The following KCNH7 variants were observed in gnomAD, a reference collection of about 807,000 sequenced individuals.
KCNH7 encodes the protein voltage-gated inwardly rectifying potassium channel KCNH7.
Under a neutral mutation model 120.8 loss-of-function variants are expected in KCNH7, and 49 were observed. The observed-to-expected ratio is 0.41, with a 90% confidence interval of 0.32 to 0.51. KCNH7 has a LOEUF of 0.51. KCNH7 is among the 20% of genes least tolerant of loss of function. The pLI, the probability that KCNH7 is intolerant of heterozygous loss-of-function variation, is 0.38. For synonymous variants in KCNH7, 547 were observed against 516.1 expected (o/e 1.06, Z -0.81); for missense variants, 1,097 against 1,446.6 (o/e 0.76, Z 3.92).
At chr2:162,488,446 A>G (rs1690179167) in intron 6 of KCNH7, among the ~76,000 whole-genome samples, 1 of 152,216 alleles carries the variant, frequency 6.6e-6, no homozygotes, top group East Asian at 1.9e-4. Flanking sequence ...GGAATTTAGA[A>G]GGTAGCAAAG....
chr2:162,388,967 T>C (rs1686661189), intron 12 of KCNH7, among the ~76,000 whole-genome samples: 1 of 151,934 alleles, frequency 6.6e-6, no homozygotes, highest in African/African-American at 2.4e-5. Flanking sequence ...TGAGTAAAGT[T>C]TTCTTCCCTA....
chr2:162,587,225 C>T (rs1387533926), intron 2 of KCNH7, among the ~76,000 whole-genome samples: 1 of 152,066 alleles, frequency 6.6e-6, no homozygotes, highest in Non-Finnish European at 1.5e-5. Context: ...TCATCAAACA[C>T]ATTGACTACA....
chr2:162,700,199 T>A (rs1466905886), intron 2 of KCNH7, among the ~76,000 whole-genome samples: 2 of 152,120 alleles, frequency 1.3e-5, no homozygotes, highest in African/African-American at 4.8e-5. Flanking sequence ...CTACTAGGCA[T>A]GAGGGGGCAC....
intron 6 of KCNH7, among the ~76,000 whole-genome samples, chr2:162,462,510 A>G (rs1298020466): frequency 6.7e-6 from 1 of 150,260 alleles, no homozygotes; most frequent in Non-Finnish European, 1.5e-5. Flanking sequence ...AATCATCAGG[A>G]GAGTGAGAGC....
intron 2 of KCNH7, among the ~76,000 whole-genome samples, chr2:162,623,848 G>A (rs1574185171): frequency 6.6e-6 from 1 of 152,278 alleles, no homozygotes; most frequent in East Asian, 1.9e-4. Context: ...TGTTTGAGAG[G>A]TAGTACAGTA....
chr2:162,710,134 C>T (rs1686869819), intron 2 of KCNH7, among the ~76,000 whole-genome samples: 2 of 152,068 alleles, frequency 1.3e-5, no homozygotes, highest in South Asian at 4.1e-4. Flanking sequence ...AGCTTTGCTC[C>T]ATATCGTATG....
chr2:162,411,128 T>G (rs976266085), intron 9 of KCNH7, among the ~76,000 whole-genome samples: 1 of 152,110 alleles, frequency 6.6e-6, no homozygotes, highest in Non-Finnish European at 1.5e-5. Flanking sequence ...AATTAAATTA[T>G]TCTACCAAAA....
intron 2 of KCNH7, among the ~76,000 whole-genome samples, chr2:162,745,510 A>C (rs1268641355): frequency 6.6e-6 from 1 of 152,186 alleles, no homozygotes; most frequent in Admixed American, 6.5e-5. Flanking sequence ...GAAAATAAAA[A>C]TCATACCAGA....
At chr2:162,428,123 A>G (rs1204202851) in intron 8 of KCNH7, among the ~76,000 whole-genome samples, 1 of 151,892 alleles carries the variant, frequency 6.6e-6, no homozygotes, top group African/African-American at 2.4e-5. Context: ...CTTTTTAAAT[A>G]AAAACACTTA....
At chr2:162,465,518 C>A (rs1009445224) in intron 6 of KCNH7, among the ~76,000 whole-genome samples, 1 of 152,168 alleles carries the variant, frequency 6.6e-6, no homozygotes, top group Non-Finnish European at 1.5e-5. Flanking sequence ...CAGGTTTCTG[C>A]ATACAAAAAT....
rs1692133547 is a variant in KCNH7 at position 162,537,032 on chromosome 2, T to C, written c.356A>G (p.Glu119Gly). 6.2e-7 allele frequency: 1 copy of C among 1,612,708 alleles called. No homozygotes were observed. Among genetic ancestry groups the C allele is most frequent in the African/African-American group, 1.3e-5 (1 of 74,968 alleles). ...AATGATGAACATCATAGCCACGCCC[T>C]CTTGGTTTTTCACTGGAATTATGTG... ...NTHIIPVKNQ[E>G]GVAMMFIINF... is the part of the protein sequence containing the mutation. The change falls in exon 3 of 16, where the codon GAG (glutamate) becomes GGG (glycine). Residue 119 changes from glutamate (E) to glycine (G), a missense_variant. Glu to Gly is a moderately conservative substitution (Grantham distance 98). Coordinates refer to ENST00000332142, the MANE Select transcript of KCNH7 (RefSeq NM_033272.4).
chr2:162,481,934 A>T (rs1689940682), intron 6 of KCNH7, among the ~76,000 whole-genome samples: 1 of 151,582 alleles, frequency 6.6e-6, no homozygotes, highest in Non-Finnish European at 1.5e-5. Context: ...TTATACAGAC[A>T]CATATATACA....
At chr2:162,595,990 G>T (rs1409604143) in intron 2 of KCNH7, among the ~76,000 whole-genome samples, 1 of 151,860 alleles carries the variant, frequency 6.6e-6, no homozygotes, top group Non-Finnish European at 1.5e-5. Context: ...AAGTGGTAAG[G>T]TTAACTAACC....
At chr2:162,594,779 GAT>G (rs1181432234) in intron 2 of KCNH7, among the ~76,000 whole-genome samples, 1 of 151,992 alleles carries the variant, frequency 6.6e-6, no homozygotes, top group South Asian at 2.1e-4. Context: ...TATACTGGAG[GAT>G]ATATATAGGT....
chr2:162,760,212 T>G (rs1223475455), intron 2 of KCNH7, among the ~76,000 whole-genome samples: 1 of 152,112 alleles, frequency 6.6e-6, no homozygotes, highest in African/African-American at 2.4e-5. Flanking sequence ...ATTTTCTAGT[T>G]TAGTAACCAC....
chr2:162,423,291 T>C, intron 9 of KCNH7, 45 bp downstream of exon 9: 2 of 1,613,936 alleles, frequency 1.2e-6, no homozygotes, highest in Non-Finnish European at 8.5e-7. Context: ...TGGCTATCAC[T>C]ATAATGCCTG....
chr2:162,533,297 T>G (rs1172980557), intron 3 of KCNH7, among the ~76,000 whole-genome samples: 2 of 151,784 alleles, frequency 1.3e-5, no homozygotes. Flanking sequence ...TATGTTAGTA[T>G]CAAGAAAACA....
chr2:162,394,521 T>C, intron 11 of KCNH7, 36 bp from the exon 12 acceptor site: 1 of 1,209,170 alleles, frequency 8.3e-7, no homozygotes, highest in Non-Finnish European at 1.2e-6. Context: ...AATGAAAGAT[T>C]ACTGAATTAG....
At position 162,464,685 on chromosome 2, in the gene KCNH7, C is replaced by A. The variant is rs561944768; in HGVS notation, c.1129-18242G>T. ...TCTCTTGTCAGACACATATAAATAA[C>A]AAAAGGCAGGTATTACTCCCTTTGT... On this transcript the variant is annotated intron_variant, in intron 6 of 15. Transcript: ENST00000332142. Among the ~76,000 whole-genome samples, 541 of 152,112 alleles carry A rather than the reference C, an allele frequency of 3.6e-3. 9 individuals carry two copies. Among genetic ancestry groups the A allele is most frequent in the African/African-American group, 0.012 (505 of 41,554 alleles).
Sources: gnomAD v4.1 joint callset for allele counts (sites outside exome capture counted in the v4.1 genomes callset) on GRCh38, gnomAD v4.1.1 for gene constraint, MANE v1.5 for transcripts, NCBI Gene and HGNC (gene_info 2026-07-23, HGNC 2026-07-21) for gene names.